MECOM: variants seen among roughly 807,000 people sequenced by gnomAD.
MECOM encodes the protein MDS1 and EVI1 complex locus.
In MECOM, 13 loss-of-function variants were observed where a neutral mutation model predicts 116.3. That is an observed-to-expected ratio of 0.11 (90% confidence interval 0.07 to 0.18). The LOEUF (loss-of-function observed/expected upper bound fraction) is 0.18. Ranked by LOEUF, MECOM falls within the 10% of genes least tolerant of loss-of-function variation. The pLI, the probability that MECOM is intolerant of heterozygous loss-of-function variation, is 1.00. For synonymous variants in MECOM, 528 were observed against 535.2 expected (o/e 0.99, Z 0.19); for missense variants, 1,299 against 1,509.0 (o/e 0.86, Z 2.31).
chr3:169,663,240 A>G (rs1776565649), intron 1 of MECOM, 96 bp downstream of exon 1: 1 of 1,437,910 alleles, frequency 7.0e-7, no homozygotes, highest in South Asian at 1.2e-5. Context: ...CCCCGGCGCA[A>G]GAGGCAGCCC....
At chr3:169,434,249 A>G (rs1742254875) in intron 1 of MECOM, among the ~76,000 whole-genome samples, 1 of 152,190 alleles carries the variant, frequency 6.6e-6, no homozygotes, top group Non-Finnish European at 1.5e-5. Flanking sequence ...AGAAGCAAGC[A>G]CATATAAATG....
chr3:169,306,550 T>C lies in MECOM; in HGVS notation c.375+74637A>G, dbSNP rs1276736061. Among the ~76,000 whole-genome samples, 6 of 152,032 alleles carry C rather than the reference T, an allele frequency of 3.9e-5. No individual in the cohort carries two copies. The East Asian group carries it at 7.7e-4, about 20-fold the overall frequency. ...TACAAAAATTAGCTGGACGTGGTGG[T>C]GGGCACCTGTAATCCCAGCTACTCA... On this transcript the variant is annotated intron_variant, in intron 2 of 16. Coordinates refer to ENST00000651503, the MANE Select transcript of MECOM (RefSeq NM_004991.4).
At chr3:169,597,172 A>G (rs1048511062) in intron 1 of MECOM, among the ~76,000 whole-genome samples, 45 of 152,344 alleles carry the variant, frequency 3.0e-4, no homozygotes, top group African/African-American at 9.1e-4. Context: ...GATGTTCAAC[A>G]TAAGTTTTAA....
chr3:169,153,535 C>A (rs1741482236), intron 2 of MECOM, among the ~76,000 whole-genome samples: 2 of 152,028 alleles, frequency 1.3e-5, no homozygotes, highest in African/African-American at 4.8e-5. Context: ...ATTCATTTTT[C>A]ATTATTTTAT....
At chr3:169,292,108 C>T (rs1273038141) in intron 2 of MECOM, among the ~76,000 whole-genome samples, 3 of 151,810 alleles carry the variant, frequency 2.0e-5, no homozygotes, top group Non-Finnish European at 2.9e-5. Flanking sequence ...TTTGGGAGGC[C>T]GAGGCAGGTG....
At chr3:169,631,917 A>G (rs1055680287) in intron 1 of MECOM, among the ~76,000 whole-genome samples, 1 of 152,082 alleles carries the variant, frequency 6.6e-6, no homozygotes, top group African/African-American at 2.4e-5. Context: ...ACATGGAACT[A>G]CAAGGCTGAG....
intron 1 of MECOM, among the ~76,000 whole-genome samples, chr3:169,638,026 C>G (rs1209241580): frequency 1.3e-5 from 2 of 152,184 alleles, no homozygotes; most frequent in Non-Finnish European, 2.9e-5. Flanking sequence ...AAGGATGTCT[C>G]TCTGGAGAAG....
chr3:169,622,649 CA>C (rs1395376977), intron 1 of MECOM, among the ~76,000 whole-genome samples: 2 of 152,194 alleles, frequency 1.3e-5, no homozygotes, highest in African/African-American at 4.8e-5. Flanking sequence ...TGTCAGAATG[CA>C]TAAGTTAGCT....
At chr3:169,165,844 C>T (rs1743509196) in intron 2 of MECOM, among the ~76,000 whole-genome samples, 1 of 152,038 alleles carries the variant, frequency 6.6e-6, no homozygotes, top group Non-Finnish European at 1.5e-5. Context: ...TTAAAATATG[C>T]TGGGTTATTT....
Position 169,308,632 on chromosome 3 carries a change from G to A in MECOM, c.375+72555C>T, listed in dbSNP as rs981276133. Among the ~76,000 whole-genome samples the A allele has an allele frequency of 9.2e-5, 14 of 152,156 alleles. No individual in the cohort carries two copies. The East Asian group carries it at 2.3e-3, about 25-fold the overall frequency. On this transcript the variant is annotated intron_variant, in intron 2 of 16. Coordinates refer to ENST00000651503, the MANE Select transcript of MECOM (RefSeq NM_004991.4). ...TTGTAACAAAATTTATTTGTCAATC[G>A]TCACTTAAGAATTTTGTTCATTCTC... is the stretch of plus-strand genomic sequence containing the variant.
chr3:169,149,915 T>G (rs1043474609), intron 2 of MECOM, among the ~76,000 whole-genome samples: 1 of 149,166 alleles, frequency 6.7e-6, no homozygotes, highest in Non-Finnish European at 1.5e-5. Flanking sequence ...CACTAAATCT[T>G]AATCTCTCTT....
intron 2 of MECOM, among the ~76,000 whole-genome samples, chr3:169,378,465 G>GAA (rs1731607089): frequency 3.2e-5 from 2 of 62,230 alleles, no homozygotes; most frequent in South Asian, 4.4e-4. Context: ...AAGCAAGCAA[G>GAA]CAAGCAAGCA....
At chr3:169,088,866 T>C (rs1718714262) in intron 16 of MECOM, 134 bp downstream of exon 16, 1 of 744,508 alleles carries the variant, frequency 1.3e-6, no homozygotes, top group East Asian at 3.1e-5. Flanking sequence ...ATATGAACAT[T>C]TTTAGAAAGG....
intron 1 of MECOM, among the ~76,000 whole-genome samples, chr3:169,556,758 C>T (rs1762073684): frequency 6.6e-6 from 1 of 152,130 alleles, no homozygotes; most frequent in Non-Finnish European, 1.5e-5. Context: ...TGGCAAGGAA[C>T]TGAGGGCTTC....
intron 1 of MECOM, among the ~76,000 whole-genome samples, chr3:169,413,380 G>C (rs1268500473): frequency 6.6e-6 from 1 of 152,216 alleles, no homozygotes; most frequent in East Asian, 1.9e-4. Context: ...GATTCCATCA[G>C]GTACCTACAC....
chr3:169,365,334 C>T (rs1021738986), intron 2 of MECOM, among the ~76,000 whole-genome samples: 14 of 151,990 alleles, frequency 9.2e-5, no homozygotes, highest in Non-Finnish European at 1.9e-4. Flanking sequence ...TCTTTACTTC[C>T]CTGGGCTAGT....
chr3:169,311,938 G>A (rs2149732579), intron 2 of MECOM, among the ~76,000 whole-genome samples: 1 of 152,272 alleles, frequency 6.6e-6, no homozygotes, highest in East Asian at 1.9e-4. Context: ...TAGATGTAGG[G>A]ACTATTTGGA....
chr3:169,333,238 A>G (rs575465787), intron 2 of MECOM, among the ~76,000 whole-genome samples: 31 of 152,208 alleles, frequency 2.0e-4, no homozygotes, highest in African/African-American at 7.0e-4. Flanking sequence ...CATGATGGGG[A>G]GGGGTGTGGA....
chr3:169,328,139 A>C (rs1722160273), intron 2 of MECOM, among the ~76,000 whole-genome samples: 1 of 152,164 alleles, frequency 6.6e-6, no homozygotes, highest in African/African-American at 2.4e-5. Context: ...GAACTTTGTC[A>C]CACTGGCTTC....
Sources: gnomAD v4.1 joint callset for allele counts (sites outside exome capture counted in the v4.1 genomes callset) on GRCh38, gnomAD v4.1.1 for gene constraint, MANE v1.5 for transcripts, NCBI Gene and HGNC (gene_info 2026-07-23, HGNC 2026-07-21) for gene names.